The following BCR variants were observed in gnomAD, a reference collection of about 807,000 sequenced individuals.
BCR encodes breakpoint cluster region protein.
Under a neutral mutation model 138.6 loss-of-function variants are expected in BCR, and 58 were observed. That is an observed-to-expected ratio of 0.42 (90% CI 0.34 to 0.52). The LOEUF (loss-of-function observed/expected upper bound fraction) is 0.52. Ranked by LOEUF, BCR falls within the 20% of genes least tolerant of loss-of-function variation. The probability of loss-of-function intolerance (pLI) is 0.06; values close to 1 mark genes in which losing one functional copy is unlikely to be tolerated. For missense variants in BCR, 1,599 were observed against 1,727.2 expected (o/e 0.93, Z 1.32); for synonymous variants, 786 against 730.1 (o/e 1.08, Z -1.23).
chr22:23,260,950 A>G lies in BCR; in HGVS notation c.1462A>G (p.Ser488Gly). Reference sequence around the variant, plus strand: ...TGACTTCTGTCTATTTCTCCTGCAGAGTGAGCTGGACTTGGAAAAGGGCTT... The same window carrying G: ...TGACTTCTGTCTATTTCTCCTGCAGGGTGAGCTGGACTTGGAAAAGGGCTT... ...VSGALESTKA[S>G]ELDLEKGLEM... Residue 488 changes from serine (S) to glycine (G), a missense_variant and splice_region_variant, in exon 3 of 23, where the codon AGT becomes GGT. Coordinates refer to ENST00000305877, the MANE Select transcript of BCR (RefSeq NM_004327.4). 1.9e-6 allele frequency: 3 copies of G among 1,613,758 alleles called. No homozygotes were observed. Among genetic ancestry groups the G allele is most frequent in the South Asian group, 1.1e-5 (1 of 91,072 alleles).
chr22:23,268,314 G>C (rs946200221), intron 4 of BCR, 94 bp from the exon 5 acceptor site: 6 of 1,005,566 alleles, frequency 6.0e-6, no homozygotes, highest in Non-Finnish European at 8.7e-6. Context: ...GCTGTCCCTG[G>C]AGTTTCTGCA....
At chr22:23,288,328 C>T (rs574148190) in intron 12 of BCR, among the ~76,000 whole-genome samples, 156 bp downstream of exon 12, 5 of 152,240 alleles carry the variant, frequency 3.3e-5, no homozygotes, top group East Asian at 3.9e-4. Flanking sequence ...TGGCGACAGC[C>T]ATCCCGATAG....
Position 23,249,992 on chromosome 22 carries a change from TCTCTGTCTCAC to T in BCR, c.1280-3804_1280-3794del, listed in dbSNP as rs558503432. Among the ~76,000 whole-genome samples the T allele has an allele frequency of 3.9e-5, 6 of 152,348 alleles. No individual in the cohort carries two copies. In the East Asian group the frequency reaches 1.2e-3, roughly 29 times the overall value. The stretch of plus-strand genomic sequence containing the variant: ...CAGAGTCTGGCCGTGAGACCTAGTC[TCTCTGTCTCAC>T]CTGGCGGGGTGATGTGTCCACTTCA... On this transcript the variant is annotated intron_variant, in intron 1 of 22. Transcript: ENST00000305877.
chr22:23,253,731 C>A, intron 1 of BCR, 68 bp from the exon 2 acceptor site: 1 of 1,535,308 alleles, frequency 6.5e-7, no homozygotes, highest in Non-Finnish European at 8.8e-7. Context: ...TGGGTGCTTG[C>A]TGGGATGGGT....
At chr22:23,232,691 C>T (rs1390320351) in intron 1 of BCR, among the ~76,000 whole-genome samples, 1 of 152,216 alleles carries the variant, frequency 6.6e-6, no homozygotes, top group Admixed American at 6.5e-5. Flanking sequence ...CCTGCTGCAC[C>T]CGTGAGCATG....
intron 2 of BCR, among the ~76,000 whole-genome samples, chr22:23,260,505 CG>C (rs887848858): frequency 9.9e-4 from 151 of 152,216 alleles, no homozygotes; most frequent in African/African-American, 3.4e-3. Flanking sequence ...CCAGGTGAGG[CG>C]GGCCCCAGGT....
intron 10 of BCR, among the ~76,000 whole-genome samples, chr22:23,285,408 G>A (rs560778414): frequency 1.3e-5 from 2 of 152,340 alleles, no homozygotes; most frequent in East Asian, 3.9e-4. Context: ...TAAATGGGGA[G>A]CACCATACCA....
chr22:23,289,729 T>C (rs1345532903), intron 13 of BCR, 108 bp downstream of exon 13: 1 of 956,184 alleles, frequency 1.0e-6, no homozygotes, highest in Non-Finnish European at 1.6e-6. Context: ...CTAGTGGACT[T>C]TGGTTCAGAA....
At chr22:23,282,844 G>C (rs76590137) in intron 8 of BCR, among the ~76,000 whole-genome samples, 1 of 152,206 alleles carries the variant, frequency 6.6e-6, no homozygotes, top group Non-Finnish European at 1.5e-5. Flanking sequence ...GACCAGGTGG[G>C]CTGGGTGCCC....
chr22:23,242,793 A>G (rs981037937), intron 1 of BCR: 2 of 448,680 alleles, frequency 4.5e-6, no homozygotes, highest in Non-Finnish European at 9.0e-6. Flanking sequence ...GTGGCTTACA[A>G]CAACAAACAT....
intron 20 of BCR, among the ~76,000 whole-genome samples, chr22:23,313,474 C>A (rs1568987910): frequency 6.6e-6 from 1 of 152,242 alleles, no homozygotes; most frequent in African/African-American, 2.4e-5. Context: ...TAGGGCAGGT[C>A]TGCCTCCCGG....
At chr22:23,310,748 C>A (rs540177741) in intron 18 of BCR, among the ~76,000 whole-genome samples, 1 of 152,282 alleles carries the variant, frequency 6.6e-6, no homozygotes, top group South Asian at 2.1e-4. Context: ...CCCTTTGTCA[C>A]GAGTCAGTTG....
In BCR at chr22:23,181,529, A is replaced by C; in HGVS notation, c.569A>C (p.Lys190Thr). Residue 190 changes from lysine (K) to threonine (T), a missense_variant, in exon 1 of 23, where the codon AAG (lysine) becomes ACG (threonine). By Grantham distance (78) the Lys-to-Thr change is moderately conservative. Transcript: ENST00000305877. The stretch of plus-strand genomic sequence containing the variant: ...TTTCACCACGAGCGCGGCCTGGTGA[A>C]GGTCAACGACAAAGAGGTGTCGGAC... ...VEFHHERGLV[K>T]VNDKEVSDRI... 1.2e-6 allele frequency: 2 copies of C among 1,612,902 alleles called. No homozygotes were observed. Among genetic ancestry groups the C allele is most frequent in the Non-Finnish European group, 1.7e-6 (2 of 1,179,906 alleles).
intron 1 of BCR, among the ~76,000 whole-genome samples, chr22:23,217,583 C>T (rs551843019): frequency 6.6e-6 from 1 of 152,232 alleles, no homozygotes; most frequent in South Asian, 2.1e-4. Context: ...TCGGTGGGAA[C>T]CCTGGTGTCC....
chr22:23,227,377 G>A (rs2072907288), intron 1 of BCR, among the ~76,000 whole-genome samples: 1 of 152,196 alleles, frequency 6.6e-6, no homozygotes, highest in Admixed American at 6.5e-5. Flanking sequence ...CACAGCCCAC[G>A]ATCAGGGAGG....
chr22:23,315,261 A>G (rs1176178499), intron 22 of BCR, among the ~76,000 whole-genome samples, 172 bp from the exon 23 acceptor site: 1 of 149,752 alleles, frequency 6.7e-6, no homozygotes, highest in Non-Finnish European at 1.5e-5. Flanking sequence ...CCAACAAGTC[A>G]TGCCTTGTCA....
chr22:23,297,221 G>GT (rs796682596), intron 16 of BCR, among the ~76,000 whole-genome samples: 259 of 114,862 alleles, frequency 2.3e-3, no homozygotes, highest in East Asian at 2.8e-3. Flanking sequence ...TTTGTTTTTT[G>GT]TTTTTTTTTT....
intron 6 of BCR, among the ~76,000 whole-genome samples, chr22:23,272,558 C>G (rs938375794): frequency 6.6e-6 from 1 of 152,120 alleles, no homozygotes; most frequent in Non-Finnish European, 1.5e-5. Flanking sequence ...GGCTCATGTG[C>G]CTCTGGAGTC....
In BCR at chr22:23,299,646, CATCTGT is replaced by C. The variant is rs542768092; in HGVS notation, c.3012+4499_3012+4504del. On this transcript the variant is annotated intron_variant, in intron 16 of 22. Coordinates refer to ENST00000305877, the MANE Select transcript of BCR (RefSeq NM_004327.4). ...TATCCAGACAGAGACATAAAACATA[CATCTGT>C]ATCTGTAAGTTATTTAATACATTGT... 3.7e-3 allele frequency among the ~76,000 whole-genome samples: 568 copies of C among 151,696 alleles called. 5 individuals are homozygous for C. The highest frequency in any genetic ancestry group is 0.013 in the African/African-American group (546 of 41,384).
Sources: gnomAD v4.1 joint callset for allele counts (sites outside exome capture counted in the v4.1 genomes callset) on GRCh38, gnomAD v4.1.1 for gene constraint, MANE v1.5 for transcripts, NCBI Gene and HGNC (gene_info 2026-07-23, HGNC 2026-07-21) for gene names.